The following IQCJ variants were observed in gnomAD, a reference collection of about 807,000 sequenced individuals.
The protein encoded by IQCJ is IQ domain-containing protein J.
In IQCJ, 9 loss-of-function variants were observed where a neutral mutation model predicts 11.0. That is an observed-to-expected ratio of 0.82 (90% confidence interval 0.49 to 1.43). The LOEUF is 1.43. Ranked by LOEUF, IQCJ falls within the 40% of genes most tolerant of loss-of-function variation. The pLI, the probability that IQCJ is intolerant of heterozygous loss-of-function variation, is 0.00. For missense variants in IQCJ, 146 were observed against 133.2 expected (o/e 1.10, Z -0.47); for synonymous variants, 55 against 51.3 (o/e 1.07, Z -0.31).
intron 1 of IQCJ, among the ~76,000 whole-genome samples, chr3:159,110,714 G>A (rs1718571639): frequency 6.6e-6 from 1 of 152,126 alleles, no homozygotes; most frequent in African/African-American, 2.4e-5. Flanking sequence ...CTCCATGGAT[G>A]ATTACTCAAT....
intron 1 of IQCJ, among the ~76,000 whole-genome samples, chr3:159,109,895 G>A (rs1718517929): frequency 6.6e-6 from 1 of 152,082 alleles, no homozygotes. Context: ...GTACAGCAAG[G>A]GTCACTAATA....
intron 1 of IQCJ, among the ~76,000 whole-genome samples, chr3:159,159,817 A>C (rs1261954619): frequency 6.6e-6 from 1 of 151,710 alleles, no homozygotes; most frequent in Admixed American, 6.6e-5. Flanking sequence ...CCCTCTCTCT[A>C]TATTACTCTC....
At chr3:159,072,355 AAGGAGAGTAAT>A (rs1715622273) in intron 1 of IQCJ, among the ~76,000 whole-genome samples, 1 of 152,052 alleles carries the variant, frequency 6.6e-6, no homozygotes, top group Non-Finnish European at 1.5e-5. Context: ...AATTGATAAA[AAGGAGAGTAAT>A]AGGAGAATTT....
At chr3:159,142,426 C>G (rs909449581) in intron 1 of IQCJ, among the ~76,000 whole-genome samples, 3 of 81,012 alleles carry the variant, frequency 3.7e-5, no homozygotes, top group African/African-American at 1.2e-4. Context: ...GGTCTTTTCC[C>G]CCCCCCACCA....
intron 1 of IQCJ, among the ~76,000 whole-genome samples, chr3:159,208,352 C>T (rs527797857): frequency 1.1e-4 from 17 of 152,316 alleles, no homozygotes; most frequent in Middle Eastern, 3.4e-3. Flanking sequence ...TCAGCCATCA[C>T]CTACCCCAGC....
intron 1 of IQCJ, chr3:159,069,843 T>TTGTGTGTGTG (rs34425057): frequency 2.3e-5 from 7 of 300,612 alleles, no homozygotes; most frequent in African/African-American, 1.4e-4. Flanking sequence ...CCCTCCTTTC[T>TTGTGTGTGTG]TGTGTGTGTG....
At chr3:159,213,938 G>T (rs1017169140) in intron 1 of IQCJ, among the ~76,000 whole-genome samples, 2 of 151,960 alleles carry the variant, frequency 1.3e-5, no homozygotes, top group African/African-American at 2.4e-5. Context: ...TCTACTTTTG[G>T]GGCTTCTTTC....
At chr3:159,146,419 T>C (rs1420260876) in intron 1 of IQCJ, among the ~76,000 whole-genome samples, 1 of 152,196 alleles carries the variant, frequency 6.6e-6, no homozygotes, top group Non-Finnish European at 1.5e-5. Flanking sequence ...CTGTGCCCCT[T>C]TGAAGCTTAC....
intron 1 of IQCJ, among the ~76,000 whole-genome samples, chr3:159,086,314 T>C (rs376370412): frequency 0.016 from 2,402 of 152,190 alleles, 74 homozygotes; most frequent in African/African-American, 0.055. Flanking sequence ...GTTTTGGTTA[T>C]TGTAGCCTTG....
chr3:159,113,820 C>A (rs186282168), intron 1 of IQCJ, among the ~76,000 whole-genome samples: 1 of 151,756 alleles, frequency 6.6e-6, no homozygotes. Flanking sequence ...GCCTAAAATA[C>A]TGAATAAGAT....
In IQCJ at chr3:159,102,793, A is replaced by G. The variant is rs557899933; in HGVS notation, c.9+33352A>G. On this transcript the variant is annotated intron_variant, in intron 1 of 3. Transcript: ENST00000397832. ...ATAGATATTGTGCTTTCTTCTCTTC[A>G]TTTTGTATGAGGAATTAAAATTCCT... Among the ~76,000 whole-genome samples, 4 of 152,302 alleles carry G rather than the reference A, an allele frequency of 2.6e-5. No homozygotes were observed. In the South Asian group the frequency reaches 6.2e-4, roughly 24 times the overall value.
chr3:159,095,271 G>C (rs916100101), intron 1 of IQCJ, among the ~76,000 whole-genome samples: 1 of 151,794 alleles, frequency 6.6e-6, no homozygotes, highest in Non-Finnish European at 1.5e-5. Flanking sequence ...AATGTGTATA[G>C]ACAGTGTTCT....
chr3:159,094,622 G>T (rs1020439444), intron 1 of IQCJ, among the ~76,000 whole-genome samples: 5 of 151,506 alleles, frequency 3.3e-5, no homozygotes, highest in Admixed American at 2.6e-4. Flanking sequence ...GTGTCACCCT[G>T]GGATGAGTTC....
At chr3:159,200,056 A>ATT (rs1357291215) in intron 1 of IQCJ, among the ~76,000 whole-genome samples, 1 of 131,426 alleles carries the variant, frequency 7.6e-6, no homozygotes, top group Non-Finnish European at 1.6e-5. Context: ...ATAAATCTAA[A>ATT]TTATATATAT....
chr3:159,218,321 A>G (rs1298859295), intron 1 of IQCJ, among the ~76,000 whole-genome samples: 2 of 150,456 alleles, frequency 1.3e-5, no homozygotes, highest in East Asian at 3.9e-4. Flanking sequence ...ACTATGTAAG[A>G]GGGAGTATAG....
chr3:159,236,768 C>G (rs1315887392), intron 1 of IQCJ, among the ~76,000 whole-genome samples: 2 of 152,098 alleles, frequency 1.3e-5, no homozygotes, highest in African/African-American at 4.8e-5. Flanking sequence ...GTTAAAATTA[C>G]TATAGATTTT....
rs144647528 is a variant in IQCJ, at chr3:159,154,697, G to A, written c.9+85256G>A. Among the ~76,000 whole-genome samples, 7 of 152,260 alleles carry A rather than the reference G, an allele frequency of 4.6e-5. No individual in the cohort carries two copies. The East Asian group carries it at 1.2e-3, about 25-fold the overall frequency. On this transcript the variant is annotated intron_variant, in intron 1 of 3. Transcript: ENST00000397832. ...CCTTTCAAGCCTGCTGCCTCTGGGA[G>A]CTCCAAGCAAAGCTCTTTGGTTGGA...
intron 3 of IQCJ, among the ~76,000 whole-genome samples, chr3:159,261,057 G>A (rs1728174787): frequency 6.6e-6 from 1 of 152,142 alleles, no homozygotes; most frequent in African/African-American, 2.4e-5. Flanking sequence ...ATTCAATAAT[G>A]TGGTCACATT....
chr3:159,110,578 C>T (rs148022666), intron 1 of IQCJ, among the ~76,000 whole-genome samples: 41 of 152,248 alleles, frequency 2.7e-4, no homozygotes, highest in South Asian at 1.2e-3. Flanking sequence ...TGGCCTTACA[C>T]GCCCTGCCAT....
Sources: allele counts gnomAD v4.1 joint callset (sites outside exome capture counted in the v4.1 genomes callset), GRCh38; gene constraint gnomAD v4.1.1; transcripts MANE v1.5; gene names NCBI Gene and HGNC (gene_info 2026-07-23, HGNC 2026-07-21).